The following CLNK variants were observed in gnomAD, a reference collection of about 807,000 sequenced individuals.
The protein encoded by CLNK is cytokine dependent hematopoietic cell linker, also known as cytokine-dependent hematopoietic cell linker.
CLNK carries 74 observed loss-of-function variants against 68.6 expected under a neutral mutation model. The observed-to-expected ratio is 1.08, with a 90% CI of 0.89 to 1.31. The LOEUF is 1.31. CLNK is among the 50% of genes most tolerant of loss of function. The pLI, the probability that CLNK is intolerant of heterozygous loss-of-function variation, is 0.00. For synonymous variants in CLNK, 198 were observed against 172.2 expected, an observed-to-expected ratio of 1.15 and a Z score of -1.17; for missense variants, 553 against 515.3, an observed-to-expected ratio of 1.07 and a Z score of -0.71.
the CLNK span, among the ~76,000 whole-genome samples, chr4:10,730,873 C>T: frequency 7.9e-5 from 12 of 152,182 alleles, no homozygotes; most frequent in East Asian, 1.9e-4. Context: ...GGAATTCATT[C>T]GCTTAATTAA....
At chr4:10,712,754 G>A in the CLNK span, among the ~76,000 whole-genome samples, 242 of 152,278 alleles carry the variant, frequency 1.6e-3, no homozygotes, top group African/African-American at 5.7e-3. Context: ...ACCCCAAATT[G>A]CTTCTATAGA....
chr4:10,586,157 T>TGCC lies in CLNK; in HGVS notation c.84-1205_84-1203dup, dbSNP rs1553853804. Among the ~76,000 whole-genome samples, 416 of 151,998 alleles carry TGCC rather than the reference T, an allele frequency of 2.7e-3. 1 individual carries two copies. Among genetic ancestry groups the TGCC allele is most frequent in the African/African-American group, 9.7e-3 (403 of 41,420 alleles). On this transcript the variant is annotated intron_variant, in intron 3 of 18. Transcript: ENST00000226951. ...CTTGTCCACTGCCCACCTCCTGCTGTGCCCAGTTCCTAACACACCACAGAC... is the reference window on the plus strand; with the variant it reads ...CTTGTCCACTGCCCACCTCCTGCTGTGCCGCCCAGTTCCTAACACACCACAGAC...
At chr4:10,523,113 A>C (rs78736791) in intron 14 of CLNK, among the ~76,000 whole-genome samples, 1 of 152,244 alleles carries the variant, frequency 6.6e-6, no homozygotes, top group African/African-American at 2.4e-5. Flanking sequence ...ATGGGGGAGA[A>C]ATAGACACAT....
At chr4:10,583,958 G>A (rs1277318726) in intron 4 of CLNK, among the ~76,000 whole-genome samples, 3 of 152,168 alleles carry the variant, frequency 2.0e-5, no homozygotes, top group East Asian at 3.8e-4. Flanking sequence ...TTCCCTCCAG[G>A]ATGCCAGTGC....
At chr4:10,503,984 T>C (rs1717172558) in intron 17 of CLNK, among the ~76,000 whole-genome samples, 1 of 151,600 alleles carries the variant, frequency 6.6e-6, no homozygotes, top group South Asian at 2.1e-4. Flanking sequence ...GGTTTCACCA[T>C]GTTGGCCAGG....
chr4:10,709,385 G>A, the CLNK span, among the ~76,000 whole-genome samples: 1 of 152,320 alleles, frequency 6.6e-6, no homozygotes, highest in South Asian at 2.1e-4. Context: ...TGAGGTTGGT[G>A]TGATCACTGT....
intron 14 of CLNK, among the ~76,000 whole-genome samples, chr4:10,524,245 A>G (rs1224813016): frequency 6.6e-6 from 1 of 152,150 alleles, no homozygotes; most frequent in Non-Finnish European, 1.5e-5. Context: ...GAATAAAATT[A>G]CTGAAGGTGC....
the CLNK span, among the ~76,000 whole-genome samples, chr4:10,734,717 C>A: frequency 6.6e-6 from 1 of 152,182 alleles, no homozygotes; most frequent in Non-Finnish European, 1.5e-5. Flanking sequence ...TTGTAAGGAT[C>A]TTGGACTCTG....
At chr4:10,715,368 A>G in the CLNK span, among the ~76,000 whole-genome samples, 883 of 152,298 alleles carry the variant, frequency 5.8e-3, 6 homozygotes, top group African/African-American at 0.02. Flanking sequence ...AATAGAACGG[A>G]TAAGGGCAGA....
In CLNK at chr4:10,591,213, G is replaced by T. The variant is rs144829852; in HGVS notation, c.84-6258C>A. Among the ~76,000 whole-genome samples, 547 of 152,246 alleles carry T rather than the reference G, an allele frequency of 3.6e-3. 2 individuals carry two copies. The highest frequency in any genetic ancestry group is 6.0e-3 in the Non-Finnish European group (410 of 68,020). On this transcript the variant is annotated intron_variant, in intron 3 of 18. Coordinates refer to ENST00000226951, the MANE Select transcript of CLNK (RefSeq NM_052964.4). Reference sequence around the variant, plus strand: ...ACTGTGTCTCACAGAGGTAACGTAGGAACACACAGCATTGATTTGAGAGAG... The same window carrying T: ...ACTGTGTCTCACAGAGGTAACGTAGTAACACACAGCATTGATTTGAGAGAG...
chr4:10,690,443 A>C, the CLNK span, among the ~76,000 whole-genome samples: 1 of 152,320 alleles, frequency 6.6e-6, no homozygotes, highest in African/African-American at 2.4e-5. Flanking sequence ...CAGAAGTGGT[A>C]TGTGAATGTA....
chr4:10,697,894 T>C, the CLNK span, among the ~76,000 whole-genome samples: 4 of 152,320 alleles, frequency 2.6e-5, no homozygotes, highest in Middle Eastern at 3.4e-3. Flanking sequence ...TCATGACATA[T>C]AATATGAATC....
chr4:10,510,382 C>T (rs1295984405), intron 16 of CLNK, among the ~76,000 whole-genome samples: 3 of 152,192 alleles, frequency 2.0e-5, no homozygotes, highest in African/African-American at 7.2e-5. Flanking sequence ...TGCTGACAGC[C>T]ATTAGCAGGT....
the CLNK span, among the ~76,000 whole-genome samples, chr4:10,695,996 C>G: frequency 6.6e-6 from 1 of 151,968 alleles, no homozygotes; most frequent in South Asian, 2.1e-4. Flanking sequence ...GCTGGGATTA[C>G]AGGTGCCTAC....
chr4:10,542,391 G>A (rs747309427), intron 8 of CLNK, 111 bp from the exon 9 acceptor site: 43 of 737,104 alleles, frequency 5.8e-5, no homozygotes, highest in African/African-American at 2.2e-4. Context: ...TGGTGATAAC[G>A]TCAGTTAATA....
At chr4:10,677,711 T>C (rs1338718751) in intron 1 of CLNK, among the ~76,000 whole-genome samples, 3 of 152,082 alleles carry the variant, frequency 2.0e-5, no homozygotes, top group Non-Finnish European at 4.4e-5. Context: ...TCTGCCATGA[T>C]TGTATGTTTC....
At chr4:10,701,273 T>C in the CLNK span, among the ~76,000 whole-genome samples, 254 of 152,350 alleles carry the variant, frequency 1.7e-3, 1 homozygote, top group Non-Finnish European at 3.0e-3. Flanking sequence ...TAAAATGAAA[T>C]CTCCCGCTTA....
chr4:10,603,668 A>G (rs1577160518), intron 2 of CLNK, among the ~76,000 whole-genome samples: 2 of 152,244 alleles, frequency 1.3e-5, no homozygotes, highest in South Asian at 2.1e-4. Context: ...CAGAGGCCTC[A>G]GCGGCCCCCA....
At chr4:10,536,073 T>C (rs1041164562) in intron 11 of CLNK, among the ~76,000 whole-genome samples, 2 of 152,220 alleles carry the variant, frequency 1.3e-5, no homozygotes, top group African/African-American at 4.8e-5. Context: ...ATAGCAGAGC[T>C]GGCAGAGACA....
Sources: gnomAD v4.1 joint callset for allele counts (sites outside exome capture counted in the v4.1 genomes callset) on GRCh38, gnomAD v4.1.1 for gene constraint, MANE v1.5 for transcripts, NCBI Gene and HGNC (gene_info 2026-07-23, HGNC 2026-07-21) for gene names.